SORCS2: variants seen among roughly 807,000 people sequenced by gnomAD.
The protein encoded by SORCS2 is sortilin related VPS10 domain containing receptor 2.
SORCS2 carries 100 observed loss-of-function variants against 141.6 expected under a neutral mutation model. That is an observed-to-expected ratio of 0.71 (90% CI 0.60 to 0.83). The LOEUF is 0.83. Ranked by LOEUF, SORCS2 falls within the 40% of genes least tolerant of loss-of-function variation. The pLI is 0.00. For synonymous variants in SORCS2, 789 were observed against 676.9 expected (o/e 1.17, Z -2.57); for missense variants, 1,646 against 1,560.2 (o/e 1.05, Z -0.93).
intron 2 of SORCS2, chr4:7,433,161 T>G: frequency 1.3e-6 from 1 of 751,040 alleles, no homozygotes. Context: ...GAGAGAGGCT[T>G]TCGGGATCAG....
In SORCS2 at chr4:7,478,910, C is replaced by G. The variant is rs1046963170; in HGVS notation, c.549-52620C>G. 2.6e-5 allele frequency among the ~76,000 whole-genome samples: 4 copies of G among 152,216 alleles called. No individual in the cohort carries two copies. The South Asian group carries it at 6.2e-4, about 24-fold the overall frequency. On this transcript the variant is annotated intron_variant, in intron 2 of 26. Transcript: ENST00000507866. ...GGCAGGGGGCCTCGGCCAAGTCACT[C>G]AAAGCCTCCGTGGCCTGGTTTCTCC...
chr4:7,718,412 C>T (rs1023775751), intron 18 of SORCS2, among the ~76,000 whole-genome samples: 4 of 152,002 alleles, frequency 2.6e-5, no homozygotes, highest in African/African-American at 9.7e-5. Flanking sequence ...TAGAGTAGGA[C>T]GTAGGGGGTA....
intron 2 of SORCS2, among the ~76,000 whole-genome samples, chr4:7,477,237 A>T (rs1730352290): frequency 6.6e-6 from 1 of 151,348 alleles, no homozygotes; most frequent in African/African-American, 2.4e-5. Flanking sequence ...AGCCTGAGTC[A>T]TTCAGAGTCA....
chr4:7,358,869 C>G (rs759301664), intron 1 of SORCS2, among the ~76,000 whole-genome samples: 2 of 152,146 alleles, frequency 1.3e-5, no homozygotes, highest in Non-Finnish European at 2.9e-5. Flanking sequence ...GACAGGGTTT[C>G]ACTCTGTCAC....
In SORCS2 at chr4:7,309,751, G is replaced by A. The variant is rs535542868; in HGVS notation, c.481-86537G>A. Among the ~76,000 whole-genome samples, 16 of 152,306 alleles carry A rather than the reference G, an allele frequency of 1.1e-4. No homozygotes were observed. In the East Asian group the frequency reaches 3.1e-3, roughly 29 times the overall value. On this transcript the variant is annotated intron_variant, in intron 1 of 26. Coordinates refer to ENST00000507866, the MANE Select transcript of SORCS2 (RefSeq NM_020777.3). Reference sequence around the variant, plus strand: ...CAAGCGTGGGCGGGGACGAGAGTTGGCCCAGCTGTGCCCTTGTGTAGCTGT... The same window carrying A: ...CAAGCGTGGGCGGGGACGAGAGTTGACCCAGCTGTGCCCTTGTGTAGCTGT...
intron 2 of SORCS2, among the ~76,000 whole-genome samples, chr4:7,461,084 A>G (rs1300140499): frequency 1.3e-5 from 2 of 152,204 alleles, no homozygotes; most frequent in African/African-American, 4.8e-5. Context: ...ATGCCCTGCC[A>G]CAAACATCAG....
chr4:7,637,581 CATGA>C (rs776680911), intron 3 of SORCS2, among the ~76,000 whole-genome samples: 28 of 152,220 alleles, frequency 1.8e-4, no homozygotes, highest in African/African-American at 5.8e-4. Flanking sequence ...CCCCGCACTC[CATGA>C]ATGAATGAAT....
intron 2 of SORCS2, among the ~76,000 whole-genome samples, chr4:7,483,738 G>T (rs1260068455): frequency 6.6e-6 from 1 of 151,636 alleles, no homozygotes; most frequent in Non-Finnish European, 1.5e-5. Context: ...AAAAGAATTA[G>T]AGTCTCCAGG....
chr4:7,400,558 C>G (rs1026841057), intron 2 of SORCS2, among the ~76,000 whole-genome samples: 3 of 152,114 alleles, frequency 2.0e-5, no homozygotes, highest in Non-Finnish European at 4.4e-5. Flanking sequence ...TCACCAGATC[C>G]CTGGAACCAA....
At chr4:7,541,316 C>G (rs989291920) in intron 3 of SORCS2, among the ~76,000 whole-genome samples, 1 of 152,248 alleles carries the variant, frequency 6.6e-6, no homozygotes, top group Non-Finnish European at 1.5e-5. Flanking sequence ...GACCCCAGGA[C>G]CTGGGCACAT....
intron 1 of SORCS2, among the ~76,000 whole-genome samples, chr4:7,312,220 T>C (rs1718230330): frequency 6.6e-6 from 1 of 152,240 alleles, no homozygotes; most frequent in South Asian, 2.1e-4. Flanking sequence ...GCGTAAGTAC[T>C]TCATTTGGTG....
chr4:7,303,751 G>A (rs1717600577), intron 1 of SORCS2, among the ~76,000 whole-genome samples: 1 of 152,248 alleles, frequency 6.6e-6, no homozygotes, highest in Admixed American at 6.5e-5. Flanking sequence ...AATTGTGGGT[G>A]AAGGAAAACA....
intron 24 of SORCS2, 24 bp downstream of exon 24, chr4:7,733,445 C>A (rs779673935): frequency 2.8e-5 from 43 of 1,542,042 alleles, no homozygotes; most frequent in Non-Finnish European, 3.8e-5. Context: ...AGCTCCCCTG[C>A]GGAATGGGTG....
In SORCS2 at chr4:7,558,730, G is replaced by A. The variant is rs73214660; in HGVS notation, c.648+27101G>A. 9.3e-3 allele frequency among the ~76,000 whole-genome samples: 1,413 copies of A among 152,276 alleles called. 10 individuals carry two copies. Among genetic ancestry groups the A allele is most frequent in the Middle Eastern group, 0.034 (10 of 294 alleles). Reference sequence around the variant, plus strand: ...GCAAGTTCACCTGGTGCCTACCCCAGGGGGCTTTTGGTCTGGCCCAGGAGG... The same window carrying A: ...GCAAGTTCACCTGGTGCCTACCCCAAGGGGCTTTTGGTCTGGCCCAGGAGG... On this transcript the variant is annotated intron_variant, in intron 3 of 26. Coordinates refer to ENST00000507866, the MANE Select transcript of SORCS2 (RefSeq NM_020777.3).
Position 7,490,580 on chromosome 4 carries a change from G to A in SORCS2, c.549-40950G>A, listed in dbSNP as rs78861415. ...CCTTGAAGGAGGGAGAGGGAGGACC[G>A]GCAGGGGTGAGGATGGCAGACATGC... On this transcript the variant is annotated intron_variant, in intron 2 of 26. Transcript: ENST00000507866. Among the ~76,000 whole-genome samples, 571 of 152,290 alleles carry A rather than the reference G, an allele frequency of 3.7e-3. 1 individual carries two copies. Among genetic ancestry groups the A allele is most frequent in the African/African-American group, 0.013 (531 of 41,556 alleles).
chr4:7,595,744 G>T (rs1179632018), intron 3 of SORCS2, among the ~76,000 whole-genome samples: 1 of 152,172 alleles, frequency 6.6e-6, no homozygotes, highest in African/African-American at 2.4e-5. Flanking sequence ...TGCTGCCCTG[G>T]TTCTGTGATT....
At position 7,336,585 on chromosome 4, in the gene SORCS2, G is replaced by A. The variant is rs1446406235; in HGVS notation, c.481-59703G>A. 3.8e-5 allele frequency among the ~76,000 whole-genome samples: 3 copies of A among 78,114 alleles called. 1 individual carries two copies. The highest frequency in any genetic ancestry group is 7.8e-5 in the Non-Finnish European group (3 of 38,708). 51.2% of individuals were successfully genotyped at this position (78,114 alleles called of 152,430 possible). A position where few individuals can be genotyped will look rare whatever the true frequency, so the allele number is the denominator to read the frequency against. ...AAAGATGGGGTTTCTAGGGTCCCAG[G>A]ACCTCCTGTTCGCATCTTGGTGGAA... On this transcript the variant is annotated intron_variant, in intron 1 of 26. Transcript: ENST00000507866.
intron 1 of SORCS2, among the ~76,000 whole-genome samples, chr4:7,366,054 A>G (rs1424408858): frequency 6.6e-6 from 1 of 152,098 alleles, no homozygotes; most frequent in Admixed American, 6.6e-5. Flanking sequence ...CCGTCAGCGC[A>G]GGCACCTCAG....
intron 1 of SORCS2, among the ~76,000 whole-genome samples, chr4:7,358,528 C>G (rs985335108): frequency 7.9e-5 from 12 of 152,214 alleles, no homozygotes; most frequent in Non-Finnish European, 1.6e-4. Flanking sequence ...TAGCTGGATG[C>G]ATTCCCGTCC....
Sources: gnomAD v4.1 joint callset for allele counts (sites outside exome capture counted in the v4.1 genomes callset) on GRCh38, gnomAD v4.1.1 for gene constraint, MANE v1.5 for transcripts, NCBI Gene and HGNC (gene_info 2026-07-23, HGNC 2026-07-21) for gene names.